Variants in CALN1 observed in about 807,000 individuals in gnomAD.
The protein encoded by CALN1 is calcium-binding protein 8.
In CALN1, 17 loss-of-function variants were observed where a neutral mutation model predicts 30.6. That is an observed-to-expected ratio of 0.56 (90% CI 0.38 to 0.83). The LOEUF (loss-of-function observed/expected upper bound fraction) is 0.83. CALN1 is among the 40% of genes least tolerant of loss of function. The pLI is 0.00. For synonymous variants in CALN1, 156 were observed against 131.4 expected (o/e 1.19, Z -1.28); for missense variants, 291 against 354.9 (o/e 0.82, Z 1.45).
chr7:71,927,000 G>A (rs1045946914), intron 5 of CALN1, among the ~76,000 whole-genome samples: 1 of 152,038 alleles, frequency 6.6e-6, no homozygotes, highest in Non-Finnish European at 1.5e-5. Context: ...TGATTACTTT[G>A]ACTCTTGACA....
At chr7:72,096,641 A>T (rs1417904900) in intron 4 of CALN1, among the ~76,000 whole-genome samples, 1 of 152,176 alleles carries the variant, frequency 6.6e-6, no homozygotes, top group Non-Finnish European at 1.5e-5. Context: ...TTGCAAAGCT[A>T]GCTGGATTCA....
At chr7:72,198,859 G>A (rs1395333287) in intron 3 of CALN1, among the ~76,000 whole-genome samples, 3 of 152,208 alleles carry the variant, frequency 2.0e-5, no homozygotes, top group Non-Finnish European at 4.4e-5. Context: ...GCTACAGCCA[G>A]AGAAAAGCAC....
At chr7:71,892,309 C>G (rs1318680410) in intron 5 of CALN1, among the ~76,000 whole-genome samples, 1 of 151,974 alleles carries the variant, frequency 6.6e-6, no homozygotes, top group East Asian at 1.9e-4. Flanking sequence ...TTTTGCTTAC[C>G]TAACTATTGA....
At chr7:72,080,954 C>A (rs1805096218) in intron 4 of CALN1, among the ~76,000 whole-genome samples, 1 of 152,096 alleles carries the variant, frequency 6.6e-6, no homozygotes, top group South Asian at 2.1e-4. Flanking sequence ...CGGGCCCAAT[C>A]CAGTGACCTT....
At chr7:72,183,480 T>C (rs761851706) in intron 3 of CALN1, among the ~76,000 whole-genome samples, 6 of 152,142 alleles carry the variant, frequency 3.9e-5, no homozygotes, top group Non-Finnish European at 7.3e-5. Flanking sequence ...ACAAAGCTTT[T>C]CACAGGTGAA....
At chr7:72,439,513 A>C (rs1340259930) in intron 1 of CALN1, among the ~76,000 whole-genome samples, 1 of 152,192 alleles carries the variant, frequency 6.6e-6, no homozygotes, top group East Asian at 1.9e-4. Context: ...CATGAAGAAG[A>C]AAAAATATAT....
In CALN1 at chr7:71,994,967, C is replaced by G. The variant is rs1005334448; in HGVS notation, c.501+28690G>C. On this transcript the variant is annotated intron_variant, in intron 5 of 6. Transcript: ENST00000395275. ...TCCCAGGTTCACGCCATTCTCCTGC[C>G]TCAGCCTCCTGAGTAGCTGGGACTA... Among the ~76,000 whole-genome samples, 7 of 152,062 alleles carry G rather than the reference C, an allele frequency of 4.6e-5. No individual in the cohort carries two copies. The East Asian group carries it at 1.2e-3, about 25-fold the overall frequency.
rs549998099 is a variant in CALN1, at chr7:72,105,091, G to A, written c.388+1060C>T. 1.1e-4 allele frequency among the ~76,000 whole-genome samples: 17 copies of A among 151,260 alleles called. No homozygotes were observed. The South Asian group carries it at 3.6e-3, about 32-fold the overall frequency. Reference sequence around the variant, plus strand: ...TGGCGTTCTGCTCCTGTGTTAGTTTGCCGAGGATAGTGGCTTCCAACTAAA... The same window carrying A: ...TGGCGTTCTGCTCCTGTGTTAGTTTACCGAGGATAGTGGCTTCCAACTAAA... On this transcript the variant is annotated intron_variant, in intron 4 of 6. Coordinates refer to ENST00000395275, the MANE Select transcript of CALN1 (RefSeq NM_031468.4).
intron 2 of CALN1, among the ~76,000 whole-genome samples, chr7:72,370,268 G>A (rs1804149019): frequency 6.6e-6 from 1 of 151,876 alleles, no homozygotes; most frequent in Non-Finnish European, 1.5e-5. Context: ...TATCTTTTTT[G>A]CTGTATATAT....
At chr7:72,272,235 C>T (rs1032792112) in intron 3 of CALN1, among the ~76,000 whole-genome samples, 1 of 151,932 alleles carries the variant, frequency 6.6e-6, no homozygotes, top group African/African-American at 2.4e-5. Context: ...CAAAATACCC[C>T]CTATGATATA....
chr7:71,902,264 CCAAT>C (rs1217013978), intron 5 of CALN1, among the ~76,000 whole-genome samples: 3,693 of 74,226 alleles, frequency 0.05, 63 homozygotes, highest in African/African-American at 0.071. Context: ...AACCAACCAA[CCAAT>C]CAAAAAAAAA....
intron 5 of CALN1, among the ~76,000 whole-genome samples, chr7:72,015,437 T>C (rs1048502275): frequency 4.0e-5 from 6 of 151,624 alleles, no homozygotes; most frequent in South Asian, 2.1e-4. Flanking sequence ...TTCTTTCTTT[T>C]TTTTTTTTTT....
chr7:72,038,679 T>C (rs1000352799), intron 4 of CALN1, among the ~76,000 whole-genome samples: 2 of 152,078 alleles, frequency 1.3e-5, no homozygotes, highest in Admixed American at 6.6e-5. Flanking sequence ...ATAAAACAGA[T>C]TGCAGTAAAG....
At chr7:72,408,290 AAT>A (rs1554403061) in intron 1 of CALN1, among the ~76,000 whole-genome samples, 10 of 142,608 alleles carry the variant, frequency 7.0e-5, no homozygotes, top group Middle Eastern at 3.5e-3. Flanking sequence ...AAAAAAAAAA[AAT>A]TAGTAGTGCG....
intron 2 of CALN1, among the ~76,000 whole-genome samples, chr7:72,319,487 C>T (rs1224166689): frequency 6.6e-6 from 1 of 152,180 alleles, no homozygotes; most frequent in East Asian, 1.9e-4. Context: ...CACTGGGTCC[C>T]TCCCACAACA....
At chr7:72,118,583 A>G (rs1184183877) in intron 3 of CALN1, among the ~76,000 whole-genome samples, 1 of 152,238 alleles carries the variant, frequency 6.6e-6, no homozygotes, top group Non-Finnish European at 1.5e-5. Flanking sequence ...AAATTCCTCA[A>G]CAGTGAAAGA....
At chr7:72,273,501 CTT>C (rs773609513) in intron 3 of CALN1, among the ~76,000 whole-genome samples, 48 of 101,830 alleles carry the variant, frequency 4.7e-4, no homozygotes, top group African/African-American at 1.7e-3. Flanking sequence ...AGGCAAGATT[CTT>C]TTTTTTTTTT....
chr7:72,124,345 G>A (rs1808595003), intron 3 of CALN1, among the ~76,000 whole-genome samples: 1 of 152,080 alleles, frequency 6.6e-6, no homozygotes. Context: ...ATTCACTTTT[G>A]GAAAATTAAA....
intron 2 of CALN1, among the ~76,000 whole-genome samples, chr7:72,325,954 T>G (rs1187310735): frequency 6.6e-6 from 1 of 152,200 alleles, no homozygotes; most frequent in Non-Finnish European, 1.5e-5. Flanking sequence ...CAGGCTGGAA[T>G]GCAGTGGCAC....
Sources: gnomAD v4.1 joint callset for allele counts (sites outside exome capture counted in the v4.1 genomes callset) on GRCh38, gnomAD v4.1.1 for gene constraint, MANE v1.5 for transcripts, NCBI Gene and HGNC (gene_info 2026-07-23, HGNC 2026-07-21) for gene names.